Variants in MTUS2 observed in about 807,000 individuals in gnomAD.
MTUS2 encodes the protein microtubule associated scaffold protein 2, also known as microtubule-associated tumor suppressor candidate 2.
MTUS2 carries 40 observed loss-of-function variants against 114.1 expected under a neutral mutation model. The observed-to-expected ratio is 0.35, with a 90% CI of 0.27 to 0.46. MTUS2 has a LOEUF of 0.46. Among genes scored for constraint, MTUS2 ranks in the 20% least tolerant of loss-of-function variants. The probability of loss-of-function intolerance (pLI) is 1.00; values close to 1 mark genes in which losing one functional copy is unlikely to be tolerated. For synonymous variants in MTUS2, 688 were observed against 672.0 expected (o/e 1.02, Z -0.37); for missense variants, 1,679 against 1,705.4 (o/e 0.98, Z 0.27).
chr13:29,307,903 G>T, intron 6 of MTUS2: 1 of 542,758 alleles, frequency 1.8e-6, no homozygotes, highest in South Asian at 2.0e-5. Context: ...TTTCCATGCA[G>T]ATCTCCTGAA....
chr13:28,943,098 C>T (rs1451627995), intron 2 of MTUS2, among the ~76,000 whole-genome samples: 1 of 152,184 alleles, frequency 6.6e-6, no homozygotes, highest in Non-Finnish European at 1.5e-5. Flanking sequence ...AGTATCCCTT[C>T]TCAGACATTC....
chr13:29,213,243 C>A (rs1373674670), intron 5 of MTUS2, among the ~76,000 whole-genome samples: 1 of 152,164 alleles, frequency 6.6e-6, no homozygotes, highest in African/African-American at 2.4e-5. Flanking sequence ...ATTTATCGAG[C>A]CTTGTTTTAT....
intron 9 of MTUS2, among the ~76,000 whole-genome samples, chr13:29,443,291 C>T (rs141739128): frequency 6.6e-6 from 1 of 152,254 alleles, no homozygotes; most frequent in African/African-American, 2.4e-5. Context: ...GACTTCTGCA[C>T]TCCCCATGGG....
intron 8 of MTUS2, among the ~76,000 whole-genome samples, chr13:29,376,246 C>A (rs561396728): frequency 1.6e-4 from 24 of 152,046 alleles, no homozygotes; most frequent in African/African-American, 4.1e-4. Flanking sequence ...GGAGGTTGCA[C>A]GTAGATATGA....
At chr13:29,432,117 T>C (rs1468607182) in intron 8 of MTUS2, among the ~76,000 whole-genome samples, 1 of 149,686 alleles carries the variant, frequency 6.7e-6, no homozygotes, top group Non-Finnish European at 1.5e-5. Context: ...CCACCCAAAA[T>C]GTTGGGATAA....
chr13:29,312,512 A>G (rs981430100), intron 6 of MTUS2, among the ~76,000 whole-genome samples: 7 of 152,218 alleles, frequency 4.6e-5, no homozygotes, highest in Non-Finnish European at 1.0e-4. Flanking sequence ...TTATACGGGG[A>G]GAATGTTAGC....
intron 12 of MTUS2, among the ~76,000 whole-genome samples, chr13:29,497,012 C>T (rs1882591721): frequency 6.6e-6 from 1 of 152,118 alleles, no homozygotes; most frequent in Admixed American, 6.5e-5. Context: ...TGGTGTCTTC[C>T]TGACAAAGCA....
At chr13:28,890,769 T>A (rs1241186686) in intron 2 of MTUS2, among the ~76,000 whole-genome samples, 1 of 152,210 alleles carries the variant, frequency 6.6e-6, no homozygotes, top group East Asian at 1.9e-4. Context: ...GAAGCATTGA[T>A]CCTGTCATCT....
intron 5 of MTUS2, among the ~76,000 whole-genome samples, chr13:29,151,641 T>A (rs1892667680): frequency 6.6e-6 from 1 of 152,238 alleles, no homozygotes; most frequent in South Asian, 2.1e-4. Context: ...TTCCAGCTTT[T>A]ATCTATTCAG....
chr13:29,051,848 G>T (rs1366188021), intron 4 of MTUS2, among the ~76,000 whole-genome samples: 4 of 152,168 alleles, frequency 2.6e-5, no homozygotes, highest in Non-Finnish European at 2.9e-5. Context: ...AGCCACCTCA[G>T]GCTTATGAAA....
chr13:29,022,344 G>A (rs9508225), intron 2 of MTUS2, among the ~76,000 whole-genome samples: 14 of 152,256 alleles, frequency 9.2e-5, no homozygotes, highest in South Asian at 6.2e-4. Flanking sequence ...GGGCTGTCAC[G>A]TGTTATATTA....
chr13:28,820,693 C>T (rs541847965), intron 1 of MTUS2, 82 bp downstream of exon 1: 29 of 152,284 alleles, frequency 1.9e-4, no homozygotes, highest in African/African-American at 7.0e-4. Context: ...GACAGGTGAG[C>T]GGAGTTGGGG....
At chr13:29,375,999 A>ATG (rs56731342) in intron 8 of MTUS2, among the ~76,000 whole-genome samples, 2 of 146,762 alleles carry the variant, frequency 1.4e-5, no homozygotes, top group African/African-American at 5.3e-5. Flanking sequence ...TTAAACATAT[A>ATG]TGTGTGTGTG....
chr13:29,231,267 AT>A (rs1356412691), intron 5 of MTUS2, among the ~76,000 whole-genome samples: 1 of 152,186 alleles, frequency 6.6e-6, no homozygotes, highest in Non-Finnish European at 1.5e-5. Context: ...CAGGAGGAAA[AT>A]TTTAGATATT....
chr13:29,401,030 C>A (rs1055662518), intron 8 of MTUS2, among the ~76,000 whole-genome samples: 1 of 152,180 alleles, frequency 6.6e-6, no homozygotes, highest in Non-Finnish European at 1.5e-5. Context: ...CTCTGTCACC[C>A]AGGCTGGAGT....
intron 4 of MTUS2, among the ~76,000 whole-genome samples, chr13:29,086,640 G>A (rs944072021): frequency 2.6e-5 from 4 of 152,082 alleles, no homozygotes; most frequent in Non-Finnish European, 4.4e-5. Context: ...TTGAGAATAC[G>A]TTTTTCTAGT....
intron 2 of MTUS2, among the ~76,000 whole-genome samples, chr13:28,904,190 T>G: frequency 6.6e-6 from 1 of 152,156 alleles, no homozygotes; most frequent in East Asian, 1.9e-4. Context: ...GTTGCGAAAA[T>G]TTTCTCCCAT....
At chr13:29,002,760 C>T (rs996930168) in intron 2 of MTUS2, among the ~76,000 whole-genome samples, 3 of 152,200 alleles carry the variant, frequency 2.0e-5, no homozygotes, top group Admixed American at 6.5e-5. Context: ...TTTTGATGCA[C>T]TCTTTCAGAA....
chr13:29,105,426 A>G (rs778582390), intron 5 of MTUS2, among the ~76,000 whole-genome samples: 10 of 152,208 alleles, frequency 6.6e-5, no homozygotes, highest in Non-Finnish European at 1.5e-4. Context: ...GTCATTATGT[A>G]TTCTGAATAG....
Sources: allele counts gnomAD v4.1 joint callset (sites outside exome capture counted in the v4.1 genomes callset), GRCh38; gene constraint gnomAD v4.1.1; transcripts MANE v1.5; gene names NCBI Gene and HGNC (gene_info 2026-07-23, HGNC 2026-07-21).